The following ZNF407 variants were observed in gnomAD, a reference collection of about 807,000 sequenced individuals.
ZNF407 encodes the protein zinc finger protein 407.
ZNF407 carries 17 observed loss-of-function variants against 131.2 expected under a neutral mutation model. The observed-to-expected ratio is 0.13, with a 90% CI of 0.09 to 0.19. The LOEUF (loss-of-function observed/expected upper bound fraction) is 0.19, where lower values mean the gene tolerates loss of function less well. Ranked by LOEUF, ZNF407 falls within the 10% of genes least tolerant of loss-of-function variation. The probability of loss-of-function intolerance (pLI) is 1.00; values close to 1 mark genes in which losing one functional copy is unlikely to be tolerated. For synonymous variants in ZNF407, 1,156 were observed against 1,062.0 expected, an observed-to-expected ratio of 1.09 and a Z score of -1.72; for missense variants, 2,681 against 2,830.6, an observed-to-expected ratio of 0.95 and a Z score of 1.20.
At chr18:74,688,039 T>C (rs1967136079) in intron 3 of ZNF407, among the ~76,000 whole-genome samples, 1 of 152,196 alleles carries the variant, frequency 6.6e-6, no homozygotes, top group Admixed American at 6.5e-5. Flanking sequence ...AATTCTTTAA[T>C]AAAATGTTTT....
chr18:74,619,225 T>G (rs1983426652), intron 1 of ZNF407, among the ~76,000 whole-genome samples: 1 of 152,232 alleles, frequency 6.6e-6, no homozygotes, highest in African/African-American at 2.4e-5. Flanking sequence ...CTCATTGAAC[T>G]GAGGAATCTT....
chr18:74,815,609 A>G (rs1970257023), intron 4 of ZNF407, among the ~76,000 whole-genome samples: 1 of 152,174 alleles, frequency 6.6e-6, no homozygotes, highest in Non-Finnish European at 1.5e-5. Context: ...CACAATACTA[A>G]TCAAAAAATT....
chr18:74,930,654 T>C (rs1971972627), intron 8 of ZNF407, among the ~76,000 whole-genome samples: 1 of 152,220 alleles, frequency 6.6e-6, no homozygotes, highest in South Asian at 2.1e-4. Flanking sequence ...TGGAGGTATT[T>C]TATCCTGAGG....
intron 3 of ZNF407, among the ~76,000 whole-genome samples, chr18:74,655,238 C>T (rs750485220): frequency 6.6e-6 from 1 of 151,966 alleles, no homozygotes; most frequent in Non-Finnish European, 1.5e-5. Flanking sequence ...GAGTCATTAA[C>T]ACTTGTGTTG....
At chr18:75,019,799 G>A (rs1317529399) in intron 8 of ZNF407, among the ~76,000 whole-genome samples, 1 of 152,100 alleles carries the variant, frequency 6.6e-6, no homozygotes, top group Non-Finnish European at 1.5e-5. Context: ...AAAGGCAAAG[G>A]GGAAACTAAC....
chr18:74,835,129 G>A (rs535883071), intron 4 of ZNF407, among the ~76,000 whole-genome samples: 2 of 152,234 alleles, frequency 1.3e-5, no homozygotes, highest in Admixed American at 1.3e-4. Context: ...CCACTTTCCA[G>A]CTCATAGTCT....
chr18:74,754,924 A>G (rs1383109559), intron 3 of ZNF407, among the ~76,000 whole-genome samples: 1 of 152,152 alleles, frequency 6.6e-6, no homozygotes, highest in African/African-American at 2.4e-5. Flanking sequence ...TGTCTCATTG[A>G]TCTGTCTAAT....
chr18:74,669,398 A>G (rs144715899), intron 3 of ZNF407, among the ~76,000 whole-genome samples: 4 of 152,132 alleles, frequency 2.6e-5, no homozygotes, highest in African/African-American at 9.6e-5. Flanking sequence ...CAGTGGTCCT[A>G]TGGATCCACT....
In ZNF407 at chr18:75,011,536, T is replaced by C. The variant is rs188881613; in HGVS notation, c.5429-51614T>C. Among the ~76,000 whole-genome samples the C allele has an allele frequency of 4.7e-3, 722 of 152,298 alleles. 7 individuals carry two copies. Among genetic ancestry groups the C allele is most frequent in the African/African-American group, 0.016 (679 of 41,582 alleles). Reference sequence around the variant, plus strand: ...TATTATTACACATAAAAAAAATCTTTGCTTACAAAGAATCCCAGTGATAAA... The same window carrying C: ...TATTATTACACATAAAAAAAATCTTCGCTTACAAAGAATCCCAGTGATAAA... On this transcript the variant is annotated intron_variant, in intron 8 of 8. Coordinates refer to ENST00000299687, the MANE Select transcript of ZNF407 (RefSeq NM_017757.3).
chr18:74,634,698 C>T lies in ZNF407; in HGVS notation c.3679C>T (p.Arg1227Cys), dbSNP rs369946815. Reference protein sequence around the residue: ...HEISNDAGELRVHCEGEGGNA... With the variant: ...HEISNDAGELCVHCEGEGGNA... ...GATATCGAATGATGCAGGTGAGCTG[C>T]GTGTCCATTGTGAGGGTGAAGGAGG... Residue 1227 changes from arginine (R) to cysteine (C), a missense_variant, in exon 2 of 9, where the codon CGT becomes TGT. Physicochemically the swap from Arg to Cys is radical, Grantham distance 180. Transcript: ENST00000299687. The T allele has an allele frequency of 7.4e-6, 12 of 1,613,880 alleles. No individual in the cohort carries two copies. The highest frequency in any genetic ancestry group is 2.7e-5 in the African/African-American group (2 of 74,914).
At chr18:74,709,599 T>C (rs960992095) in intron 3 of ZNF407, among the ~76,000 whole-genome samples, 2 of 152,256 alleles carry the variant, frequency 1.3e-5, no homozygotes, top group East Asian at 1.9e-4. Flanking sequence ...CAGATGGCGT[T>C]ATTCAATCTC....
At chr18:74,917,153 C>G (rs1234671907) in intron 7 of ZNF407, among the ~76,000 whole-genome samples, 1 of 151,988 alleles carries the variant, frequency 6.6e-6, no homozygotes, top group African/African-American at 2.4e-5. Context: ...TAATATATTA[C>G]CAGAATTGTG....
intron 8 of ZNF407, among the ~76,000 whole-genome samples, chr18:74,965,777 C>T (rs1972402485): frequency 6.6e-6 from 1 of 152,184 alleles, no homozygotes; most frequent in Non-Finnish European, 1.5e-5. Context: ...TTCCCAACAA[C>T]ACTGTTTAAG....
At chr18:74,911,789 A>G (rs890603645) in intron 7 of ZNF407, among the ~76,000 whole-genome samples, 1 of 152,222 alleles carries the variant, frequency 6.6e-6, no homozygotes, top group African/African-American at 2.4e-5. Context: ...CCATGCTGTC[A>G]AGTGGTTCCC....
At chr18:74,847,157 A>G (rs1251563158) in intron 4 of ZNF407, among the ~76,000 whole-genome samples, 2 of 152,208 alleles carry the variant, frequency 1.3e-5, no homozygotes, top group Admixed American at 6.5e-5. Flanking sequence ...TTAATTTTTT[A>G]CATGCTTTAG....
rs1316692359 is a variant in ZNF407, at chr18:75,064,079, G to C, written c.6358G>C (p.Gly2120Arg). 1 of 1,589,424 alleles carries C rather than the reference G, an allele frequency of 6.3e-7. No homozygotes were observed. Among genetic ancestry groups the C allele is most frequent in the East Asian group, 2.3e-5 (1 of 43,288 alleles). Residue 2120 changes from glycine to arginine, a missense_variant, in exon 9 of 9, where the codon GGT (glycine) becomes CGT (arginine). By Grantham distance (125) the Gly-to-Arg change is moderately radical. This residue lies in a region of ZNF407 where 620 missense variants were observed against 583.1 expected (regional missense o/e 1.06). Transcript: ENST00000299687. ...TGCCGTCCACATGGTCGCCGGGGAG[G>C]GTGCCCAGATCATCATGCAGGAGGC... ...EGAVHMVAGE[G>R]AQIIMQEAQG...
chr18:74,835,429 G>A (rs1970541837), intron 4 of ZNF407, among the ~76,000 whole-genome samples: 1 of 152,186 alleles, frequency 6.6e-6, no homozygotes, highest in African/African-American at 2.4e-5. Context: ...CTGAGGGTGT[G>A]CAGTTGAGAT....
At chr18:75,026,796 T>C (rs1318014942) in intron 8 of ZNF407, among the ~76,000 whole-genome samples, 1 of 152,220 alleles carries the variant, frequency 6.6e-6, no homozygotes, top group African/African-American at 2.4e-5. Flanking sequence ...TTTCCTTGCC[T>C]AAGTCGATGA....
intron 4 of ZNF407, among the ~76,000 whole-genome samples, chr18:74,802,375 TA>T (rs1382211944): frequency 6.6e-6 from 1 of 152,214 alleles, no homozygotes; most frequent in Non-Finnish European, 1.5e-5. Flanking sequence ...TTCAAGTTAT[TA>T]TTTTCCTAGT....
Sources: allele counts gnomAD v4.1 joint callset (sites outside exome capture counted in the v4.1 genomes callset), GRCh38; gene constraint gnomAD v4.1.1; regional missense constraint gnomAD v4.1.1; transcripts MANE v1.5; gene names NCBI Gene and HGNC (gene_info 2026-07-23, HGNC 2026-07-21).